Variants in PPP1R17 observed in about 807,000 individuals in gnomAD.
PPP1R17 encodes protein phosphatase 1 regulatory subunit 17.
Under a neutral mutation model 15.9 loss-of-function variants are expected in PPP1R17, and 12 were observed. That is an observed-to-expected ratio of 0.75 (90% CI 0.48 to 1.22). The LOEUF (loss-of-function observed/expected upper bound fraction) is 1.22, where lower values mean the gene tolerates loss of function less well. Among genes scored for constraint, PPP1R17 ranks in the 50% most tolerant of loss-of-function variants. The pLI, the probability that PPP1R17 is intolerant of heterozygous loss-of-function variation, is 0.00. For missense variants in PPP1R17, 211 were observed against 187.3 expected (o/e 1.13, Z -0.74); for synonymous variants, 63 against 64.5 (o/e 0.98, Z 0.11).
At position 31,707,222 on chromosome 7, in the gene PPP1R17, A is replaced by G. The variant is rs777370118; in HGVS notation, c.407A>G (p.Asp136Gly). 4 of 1,613,966 alleles carry G rather than the reference A, an allele frequency of 2.5e-6. No homozygotes were observed. In the South Asian group the frequency reaches 3.3e-5, roughly 13 times the overall value. ...TTTGCAGGTGTGACATTGCTCAGGGACGAGAGACCCAAAGCAATCGTGGAA... is the reference window on the plus strand; with the variant it reads ...TTTGCAGGTGTGACATTGCTCAGGGGCGAGAGACCCAAAGCAATCGTGGAA... ...PFAAGVTLLR[D>G]ERPKAIVEDD... is the part of the protein sequence containing the mutation. Residue 136 changes from aspartate (D) to glycine (G), a missense_variant, in exon 5 of 5, where the codon GAC becomes GGC. Asp to Gly is a moderately conservative substitution (Grantham distance 94, BLOSUM62 -1). Coordinates refer to ENST00000342032, the MANE Select transcript of PPP1R17 (RefSeq NM_006658.5).
chr7:31,704,351 T>C (rs1042085379), intron 4 of PPP1R17, among the ~76,000 whole-genome samples: 55 of 152,202 alleles, frequency 3.6e-4, no homozygotes, highest in African/African-American at 1.3e-3. Context: ...GGTGGGATTG[T>C]GCTGTAAAAC....
intron 4 of PPP1R17, among the ~76,000 whole-genome samples, chr7:31,697,696 T>G (rs1229028106): frequency 6.6e-6 from 1 of 152,182 alleles, no homozygotes; most frequent in Non-Finnish European, 1.5e-5. Context: ...AGTATGACTC[T>G]GTGTGTATGT....
At chr7:31,702,532 C>T (rs930366388) in intron 4 of PPP1R17, among the ~76,000 whole-genome samples, 2 of 152,224 alleles carry the variant, frequency 1.3e-5, no homozygotes, top group African/African-American at 4.8e-5. Flanking sequence ...TGCTATCAGA[C>T]CCCTTCAGGT....
intron 1 of PPP1R17, among the ~76,000 whole-genome samples, chr7:31,689,690 A>C (rs1211073298): frequency 6.6e-6 from 1 of 152,130 alleles, no homozygotes; most frequent in East Asian, 1.9e-4. Flanking sequence ...GAAAATTATC[A>C]ATAAGCCAAC....
At chr7:31,688,293 G>A (rs1792191440) in intron 1 of PPP1R17, among the ~76,000 whole-genome samples, 1 of 152,224 alleles carries the variant, frequency 6.6e-6, no homozygotes, top group African/African-American at 2.4e-5. Context: ...CAGCTAGAGA[G>A]TGGTACAAGC....
intron 4 of PPP1R17, among the ~76,000 whole-genome samples, chr7:31,701,896 C>T (rs1052499867): frequency 1.3e-5 from 2 of 152,160 alleles, no homozygotes; most frequent in African/African-American, 4.8e-5. Context: ...ATAGTGTAAG[C>T]CTAACTTTTA....
At position 31,707,555 on chromosome 7, in the gene PPP1R17, G is replaced by A. The variant is rs1283502946; in HGVS notation, c.*272G>A. On this transcript the variant is annotated 3_prime_UTR_variant, in exon 5 of 5. Transcript: ENST00000342032. ...TCATCCTAAATGAGGAGGTAACAGGGAAAGCACTGGGGTTCGGTTTCTGCA... is the reference window on the plus strand; with the variant it reads ...TCATCCTAAATGAGGAGGTAACAGGAAAAGCACTGGGGTTCGGTTTCTGCA... The A allele has an allele frequency of 2.1e-5, 8 of 388,124 alleles. No individual in the cohort carries two copies. Among genetic ancestry groups the A allele is most frequent in the African/African-American group, 1.7e-4 (8 of 48,404 alleles). 24.0% of individuals were successfully genotyped at this position (388,124 alleles called of 1,614,324 possible).
intron 4 of PPP1R17, among the ~76,000 whole-genome samples, chr7:31,701,170 T>G (rs942831136): frequency 2.0e-5 from 3 of 152,112 alleles, no homozygotes; most frequent in Non-Finnish European, 4.4e-5. Context: ...TGGAAACAAT[T>G]TGGTATTCTA....
At chr7:31,707,124 T>C in intron 4 of PPP1R17, 80 bp from the exon 5 acceptor site, 1 of 1,348,288 alleles carries the variant, frequency 7.4e-7, no homozygotes, top group Non-Finnish European at 1.0e-6. Flanking sequence ...GCCATGCTCC[T>C]TTGTACTGTG....
intron 1 of PPP1R17, among the ~76,000 whole-genome samples, chr7:31,690,931 ACT>A (rs1334702385): frequency 6.6e-6 from 1 of 152,082 alleles, no homozygotes; most frequent in Non-Finnish European, 1.5e-5. Flanking sequence ...TGGGCCCATG[ACT>A]CTGCCTGAAG....
intron 4 of PPP1R17, among the ~76,000 whole-genome samples, chr7:31,700,778 A>C (rs1792814103): frequency 6.6e-6 from 1 of 152,156 alleles, no homozygotes; most frequent in South Asian, 2.1e-4. Context: ...TAGGGCCCTT[A>C]TGAATTATGT....
At position 31,708,013 on chromosome 7, in the gene PPP1R17, A is replaced by C. The variant is rs1793142297; in HGVS notation, c.*730A>C. The C allele has an allele frequency of 6.6e-6, 1 of 152,236 alleles. No homozygotes were observed. The highest frequency in any genetic ancestry group is 1.5e-5 in the Non-Finnish European group (1 of 68,036). 9.4% of individuals were successfully genotyped at this position (152,236 alleles called of 1,614,324 possible). On this transcript the variant is annotated 3_prime_UTR_variant, in exon 5 of 5. Transcript: ENST00000342032. The stretch of plus-strand genomic sequence containing the variant: ...TGTCCCAACATTTGTGAGTTGTGTC[A>C]CAAGTGAGTCATTATCAATGGTAGA...
chr7:31,691,991 TCTC>T (rs1317134380), intron 1 of PPP1R17, among the ~76,000 whole-genome samples: 2 of 152,132 alleles, frequency 1.3e-5, no homozygotes, highest in African/African-American at 2.4e-5. Context: ...TGAGCCTCTG[TCTC>T]CTCATCTGTG....
chr7:31,705,986 A>ATTTTTTTTTTTTT lies in PPP1R17; in HGVS notation c.389-1194_389-1182dup, dbSNP rs550189867. On this transcript the variant is annotated intron_variant, in intron 4 of 4. Transcript: ENST00000342032. ...GACTTCTGAATTTCACAGACCAGTAATTTTTTTTTTTTTTTTTTTTTTTTT... is the reference window on the plus strand; with the variant it reads ...GACTTCTGAATTTCACAGACCAGTAATTTTTTTTTTTTTTTTTTTTTTTTTTTTTTTTTTTTTT... Among the ~76,000 whole-genome samples, 17 of 52,514 alleles carry ATTTTTTTTTTTTT rather than the reference A, an allele frequency of 3.2e-4. 1 individual carries two copies. Among genetic ancestry groups the ATTTTTTTTTTTTT allele is most frequent in the African/African-American group, 1.1e-3 (14 of 13,282 alleles). The allele number at this position is 52,514 out of a possible 152,430, so 34.5% of individuals were successfully genotyped here. A position where few individuals can be genotyped will look rare whatever the true frequency, so the allele number is the denominator to read the frequency against.
intron 2 of PPP1R17, among the ~76,000 whole-genome samples, chr7:31,693,334 GCAGCATT>G (rs1356786873): frequency 6.6e-6 from 1 of 152,194 alleles, no homozygotes; most frequent in African/African-American, 2.4e-5. Flanking sequence ...CCCATTCAGA[GCAGCATT>G]CATTTATTCA....
intron 1 of PPP1R17, 76 bp downstream of exon 1, chr7:31,687,382 G>GT: frequency 6.6e-6 from 1 of 152,314 alleles, no homozygotes; most frequent in South Asian, 2.1e-4. Flanking sequence ...CTGGGACAAA[G>GT]AAGGCTGTAG....
rs1453083518 is a variant in PPP1R17, at chr7:31,708,137, A to G, written c.*854A>G. The stretch of plus-strand genomic sequence containing the variant: ...CATTCTCACTTATTTAGACTCTATT[A>G]CACTTTCTTGGATGAGAGGGGAGAG... On this transcript the variant is annotated 3_prime_UTR_variant, in exon 5 of 5. Coordinates refer to ENST00000342032, the MANE Select transcript of PPP1R17 (RefSeq NM_006658.5). 3 of 152,158 alleles carry G rather than the reference A, an allele frequency of 2.0e-5. No individual in the cohort carries two copies. Among genetic ancestry groups the G allele is most frequent in the Non-Finnish European group, 2.9e-5 (2 of 68,032 alleles). The allele number at this position is 152,158 out of a possible 1,614,324, so 9.4% of individuals were successfully genotyped here. A position where few individuals can be genotyped will look rare whatever the true frequency, so the allele number is the denominator to read the frequency against.
At chr7:31,702,456 T>C (rs1792892121) in intron 4 of PPP1R17, among the ~76,000 whole-genome samples, 1 of 152,172 alleles carries the variant, frequency 6.6e-6, no homozygotes, top group Admixed American at 6.5e-5. Flanking sequence ...ATCACATGCT[T>C]TCCCTCAAGC....
intron 2 of PPP1R17, among the ~76,000 whole-genome samples, chr7:31,694,387 A>AACACACACACACACACACACAC (rs533091870): frequency 0.027 from 3,755 of 141,500 alleles, 57 homozygotes; most frequent in African/African-American, 0.036. Flanking sequence ...CTCTCTCTCA[A>AACACACACACACACACACACAC]ACACACACAC....
Sources: allele counts gnomAD v4.1 joint callset (sites outside exome capture counted in the v4.1 genomes callset), GRCh38; gene constraint gnomAD v4.1.1; transcripts MANE v1.5; gene names NCBI Gene and HGNC (gene_info 2026-07-23, HGNC 2026-07-21).